ANKMY1: variants seen among roughly 807,000 people sequenced by gnomAD.
The protein encoded by ANKMY1 is ankyrin repeat and MYND domain-containing protein 1.
A neutral mutation model predicts 102.0 loss-of-function variants in ANKMY1; 98 were observed. That is an observed-to-expected ratio of 0.96 (90% CI 0.82 to 1.14). The LOEUF (loss-of-function observed/expected upper bound fraction) is 1.14, where lower values mean the gene tolerates loss of function less well. Ranked by LOEUF, ANKMY1 falls within the 50% of genes most tolerant of loss-of-function variation. The pLI, the probability that ANKMY1 is intolerant of heterozygous loss-of-function variation, is 0.00. For missense variants in ANKMY1, 1,330 were observed against 1,347.6 expected, an observed-to-expected ratio of 0.99 and a Z score of 0.20; for synonymous variants, 582 against 559.9, an observed-to-expected ratio of 1.04 and a Z score of -0.56.
At chr2:240,542,434 G>A (rs1415927308) in intron 4 of ANKMY1, among the ~76,000 whole-genome samples, 2 of 151,936 alleles carry the variant, frequency 1.3e-5, no homozygotes, top group Admixed American at 6.6e-5. Flanking sequence ...AACCTGGGAG[G>A]TGGAGGTTGC....
chr2:240,545,631 A>T (rs952952373), intron 4 of ANKMY1, among the ~76,000 whole-genome samples: 9 of 152,194 alleles, frequency 5.9e-5, no homozygotes, highest in African/African-American at 1.9e-4. Flanking sequence ...AGAAGAATGT[A>T]TAACTAGAAT....
intron 15 of ANKMY1, among the ~76,000 whole-genome samples, chr2:240,496,358 AGATAGAT>A (rs1275880755): frequency 3.9e-4 from 1 of 2,568 alleles, no homozygotes; most frequent in African/African-American, 1.3e-3. Flanking sequence ...CTAATTAGAT[AGATAGAT>A]AGATAGATAG....
Position 240,501,999 on chromosome 2 carries a change from A to G in ANKMY1, c.2527-1434T>C, listed in dbSNP as rs1000692722. Among the ~76,000 whole-genome samples the G allele has an allele frequency of 3.9e-5, 6 of 152,326 alleles. No individual in the cohort carries two copies. In the East Asian group the frequency reaches 1.2e-3, roughly 29 times the overall value. The stretch of plus-strand genomic sequence containing the variant: ...CCCATGAGTCGGTTCCCTGCTGGAC[A>G]TCCCTCCGAGGCCCCACCACCTCAT... On this transcript the variant is annotated intron_variant, in intron 13 of 17. Transcript: ENST00000401804.
intron 5 of ANKMY1, 62 bp downstream of exon 5, chr2:240,528,975 C>T: frequency 6.6e-7 from 1 of 1,519,810 alleles, no homozygotes; most frequent in Admixed American, 1.8e-5. Context: ...ACCTCAGGAA[C>T]CTGCCTAGGG....
intron 14 of ANKMY1, 67 bp downstream of exon 14, chr2:240,500,385 C>T (rs2077975647): frequency 1.3e-6 from 2 of 1,482,490 alleles, no homozygotes; most frequent in Non-Finnish European, 1.9e-6. Context: ...GAAGCTAATG[C>T]CCCAGCCGGG....
At chr2:240,544,677 GAGGCATTGCCTCACTCAGGAAGCGCA>G (rs533261729) in intron 4 of ANKMY1, among the ~76,000 whole-genome samples, 3,336 of 152,320 alleles carry the variant, frequency 0.022, 145 homozygotes, top group African/African-American at 0.076. Flanking sequence ...GAAGCCGGGC[GAGGCATTGCCTCACTCAGGAAGCGCA>G]AGGGGTCAGG....
chr2:240,507,526 C>T, intron 13 of ANKMY1, 34 bp downstream of exon 13: 3 of 1,579,188 alleles, frequency 1.9e-6, no homozygotes, highest in Non-Finnish European at 2.6e-6. Context: ...CTCAAACCCC[C>T]TCACCAGGGC....
At chr2:240,544,619 G>C (rs888019422) in intron 4 of ANKMY1, among the ~76,000 whole-genome samples, 1 of 152,212 alleles carries the variant, frequency 6.6e-6, no homozygotes, top group African/African-American at 2.4e-5. Flanking sequence ...ACTAGGGAGT[G>C]CCAGACAGTG....
intron 9 of ANKMY1, among the ~76,000 whole-genome samples, chr2:240,517,825 T>C (rs769919451): frequency 3.9e-5 from 6 of 152,058 alleles, no homozygotes; most frequent in Admixed American, 1.3e-4. Flanking sequence ...AAAAGGACAA[T>C]AATTCTTTCT....
At chr2:240,502,940 G>A (rs1002187989) in intron 13 of ANKMY1, among the ~76,000 whole-genome samples, 3 of 152,068 alleles carry the variant, frequency 2.0e-5, no homozygotes, top group Non-Finnish European at 4.4e-5. Flanking sequence ...GGCTCCCCAG[G>A]CATGCCCTCG....
At chr2:240,552,057 C>T (rs1381136333) in intron 4 of ANKMY1, among the ~76,000 whole-genome samples, 1 of 152,224 alleles carries the variant, frequency 6.6e-6, no homozygotes, top group Non-Finnish European at 1.5e-5. Flanking sequence ...TCCCAAGTTC[C>T]TGCTTTCTCA....
In ANKMY1 at chr2:240,557,170, C is replaced by A; in HGVS notation, c.146+20G>T. 6.8e-7 allele frequency: 1 copy of A among 1,465,372 alleles called. No individual in the cohort carries two copies. Among genetic ancestry groups the A allele is most frequent in the Non-Finnish European group, 9.1e-7 (1 of 1,099,128 alleles). 90.8% of individuals were successfully genotyped at this position (1,465,372 alleles called of 1,614,324 possible). ...GCCCCAGGTCAGGGTCGGACCTCCC[C>A]GCTGGAGGGTCCCCCGCACCTTGTG... On this transcript the variant is annotated intron_variant, in intron 2 of 17. Coordinates refer to ENST00000401804, the MANE Select transcript of ANKMY1 (RefSeq NM_001282771.3).
chr2:240,526,235 C>G lies in ANKMY1; in HGVS notation c.1164G>C (p.Ala388=), dbSNP rs768098181. The G allele has an allele frequency of 6.2e-7, 1 of 1,613,888 alleles. No homozygotes were observed. Among genetic ancestry groups the G allele is most frequent in the African/African-American group, 1.3e-5 (1 of 74,952 alleles). The part of the protein sequence containing the change: ...ADAKGYTVLA[A]AATHCHNDIV... ...GGGAGGGTGTGGGGCTTACAGCAGC[C>G]GCAGCAAGCACAGTGTAGCCCTTTG... Residue 388 remains alanine, a synonymous_variant, in exon 6 of 18, where the codon GCG becomes GCC. Transcript: ENST00000401804.
rs368977587 is a variant in ANKMY1, at chr2:240,524,184, C to T, written c.1533G>A (p.Gly511=). ...GHFQDTGQCG[G]SIDHRSSSLK... ...GAGAGCTGCTCCTGTGGTCTATGGA[C>T]CCCCCACACTGCCCGGTGTCCTGGA... Residue 511 remains glycine, a synonymous_variant, in exon 8 of 18, where the codon GGG becomes GGA. Coordinates refer to ENST00000401804, the MANE Select transcript of ANKMY1 (RefSeq NM_001282771.3). 34 of 1,613,144 alleles carry T rather than the reference C, an allele frequency of 2.1e-5. No individual in the cohort carries two copies. In the African/African-American group the frequency reaches 3.9e-4, roughly 18 times the overall value.
intron 9 of ANKMY1, among the ~76,000 whole-genome samples, chr2:240,516,469 C>G (rs1397120125): frequency 6.6e-6 from 1 of 152,124 alleles, no homozygotes; most frequent in Non-Finnish European, 1.5e-5. Context: ...CCTATGTGTT[C>G]CAGGATTGCA....
chr2:240,521,183 G>A (rs1252410952), intron 8 of ANKMY1, among the ~76,000 whole-genome samples: 2 of 152,288 alleles, frequency 1.3e-5, no homozygotes, highest in South Asian at 2.1e-4. Context: ...TGACCATGAG[G>A]GCAGGGCAGG....
chr2:240,539,131 A>C (rs910714328), intron 4 of ANKMY1, among the ~76,000 whole-genome samples: 1 of 152,154 alleles, frequency 6.6e-6, no homozygotes, highest in Non-Finnish European at 1.5e-5. Flanking sequence ...CCCCTTCCAC[A>C]CTGTGAAAGC....
chr2:240,474,845 C>T (rs1488780153), downstream of ANKMY1, among the ~76,000 whole-genome samples: 2 of 152,164 alleles, frequency 1.3e-5, no homozygotes, highest in African/African-American at 4.8e-5. Context: ...ATATTGATTC[C>T]ATGTCCTTGC....
chr2:240,518,987 G>A (rs1243244896), intron 9 of ANKMY1, among the ~76,000 whole-genome samples: 2 of 152,228 alleles, frequency 1.3e-5, no homozygotes, highest in South Asian at 2.1e-4. Context: ...TGCCCAGAGA[G>A]AGCCATCAGC....
Sources: allele counts gnomAD v4.1 joint callset (sites outside exome capture counted in the v4.1 genomes callset), GRCh38; gene constraint gnomAD v4.1.1; transcripts MANE v1.5; gene names NCBI Gene and HGNC (gene_info 2026-07-23, HGNC 2026-07-21).